The following KCNIP1 variants were observed in gnomAD, a reference collection of about 807,000 sequenced individuals.
KCNIP1 encodes the protein A-type potassium channel modulatory protein KCNIP1.
A neutral mutation model predicts 33.0 loss-of-function variants in KCNIP1; 18 were observed. The observed-to-expected ratio is 0.55, with a 90% CI of 0.38 to 0.81. The LOEUF is 0.81. Ranked by LOEUF, KCNIP1 falls within the 30% of genes least tolerant of loss-of-function variation. The pLI is 0.00. For missense variants in KCNIP1, 238 were observed against 271.6 expected (o/e 0.88, Z 0.87); for synonymous variants, 93 against 98.3 (o/e 0.95, Z 0.32).
At chr5:170,405,770 G>A (rs894717069) in intron 1 of KCNIP1, among the ~76,000 whole-genome samples, 20 of 152,134 alleles carry the variant, frequency 1.3e-4, no homozygotes, top group African/African-American at 4.8e-4. Context: ...GACCAGTGAT[G>A]GTAACACCTG....
chr5:170,504,275 CAGGGCACCGTCCTCGGCCCTGGGCG>C lies in KCNIP1; in HGVS notation c.-293_-269del, dbSNP rs1754614675. The C allele has an allele frequency of 8.1e-7, 1 of 1,232,786 alleles. No homozygotes were observed. The highest frequency in any genetic ancestry group is 1.6e-5 in the African/African-American group (1 of 63,146). 76.4% of individuals were successfully genotyped at this position (1,232,786 alleles called of 1,614,324 possible). A position where few individuals can be genotyped will look rare whatever the true frequency, so the allele number is the denominator to read the frequency against. On this transcript the variant is annotated 5_prime_UTR_variant, in exon 1 of 8. It removes the in-frame stop codon of an upstream open reading frame in the 5' UTR. Coordinates refer to ENST00000328939, the MANE Select transcript of KCNIP1 (RefSeq NM_014592.4). This position sits in a 1 kb window ranked among gnomAD's most constrained non-coding sequence, Gnocchi z 6.0. Reference sequence around the variant, plus strand: ...CCCGTGTCCAGTGCCAGGCAGGCTTCAGGGCACCGTCCTCGGCCCTGGGCGAGGGAACCGCCGGGCCGGGTCCTCG... The same window carrying C: ...CCCGTGTCCAGTGCCAGGCAGGCTTCAGGGAACCGCCGGGCCGGGTCCTCG...
chr5:170,645,255 G>A (rs1369145731), intron 1 of KCNIP1, among the ~76,000 whole-genome samples: 1 of 152,132 alleles, frequency 6.6e-6, no homozygotes, highest in African/African-American at 2.4e-5. Context: ...TTTAAATGGG[G>A]AACAGGGTTT....
chr5:170,683,672 C>A (rs1040832505), intron 1 of KCNIP1, among the ~76,000 whole-genome samples: 1 of 152,020 alleles, frequency 6.6e-6, no homozygotes, highest in Non-Finnish European at 1.5e-5. Context: ...TCCAAAGAAC[C>A]CATCTGTAGT....
chr5:170,358,693 C>T (rs1264295549), intron 1 of KCNIP1, among the ~76,000 whole-genome samples: 6 of 152,242 alleles, frequency 3.9e-5, no homozygotes, highest in East Asian at 1.9e-4. Context: ...GCAGGGCACC[C>T]GCCCCCGCTT....
intron 1 of KCNIP1, 119 bp from the exon 2 acceptor site, chr5:170,718,639 C>T (rs1297508981): frequency 4.2e-6 from 5 of 1,200,900 alleles, no homozygotes; most frequent in Non-Finnish European, 4.7e-6. Context: ...GGCAGTGTGA[C>T]CCCAGCCCAC....
At chr5:170,387,070 A>G (rs899864038) in intron 1 of KCNIP1, among the ~76,000 whole-genome samples, 6 of 152,170 alleles carry the variant, frequency 3.9e-5, no homozygotes, top group Admixed American at 2.6e-4. Context: ...AAGCTGTCCT[A>G]GAGCCTCTGG....
At chr5:170,353,611 C>A in exon 1 of KCNIP1, 1 of 548,704 alleles carries the variant, frequency 1.8e-6, no homozygotes, top group Non-Finnish European at 3.3e-6. Context: ...CCGGCCCTGG[C>A]ATCCTGAGGT....
intron 1 of KCNIP1, among the ~76,000 whole-genome samples, chr5:170,664,030 T>C (rs1761603400): frequency 2.0e-5 from 3 of 152,114 alleles, no homozygotes; most frequent in Admixed American, 2.0e-4. Context: ...ACCATGCCAC[T>C]TTCTCCCACA....
intron 1 of KCNIP1, among the ~76,000 whole-genome samples, chr5:170,674,913 T>C (rs1398599560): frequency 6.6e-6 from 1 of 151,384 alleles, no homozygotes; most frequent in Non-Finnish European, 1.5e-5. Flanking sequence ...GCACAACACC[T>C]CTTCCCAATG....
At chr5:170,702,721 C>T (rs187489960) in intron 1 of KCNIP1, among the ~76,000 whole-genome samples, 162 of 152,250 alleles carry the variant, frequency 1.1e-3, no homozygotes, top group Non-Finnish European at 2.0e-3. Flanking sequence ...GCCCATCAAG[C>T]AGATGATGTG....
chr5:170,383,446 G>A (rs2071161), intron 1 of KCNIP1: 58,656 of 614,662 alleles, frequency 0.095, 3,153 homozygotes, highest in Admixed American at 0.14. Context: ...AAACTGAGGA[G>A]GTGAGAGGCT....
At chr5:170,486,144 A>C (rs1757089910) in intron 1 of KCNIP1, 1 of 152,124 alleles carries the variant, frequency 6.6e-6, no homozygotes, top group Admixed American at 6.5e-5. Flanking sequence ...AGCTACAAAC[A>C]TCAGGGACCT....
chr5:170,528,361 G>C (rs985748629), intron 1 of KCNIP1, among the ~76,000 whole-genome samples: 2 of 152,152 alleles, frequency 1.3e-5, no homozygotes, highest in Non-Finnish European at 2.9e-5. Context: ...AACACCATCG[G>C]GTGACTGCAA....
At chr5:170,367,356 A>AG (rs1763695711) in intron 1 of KCNIP1, among the ~76,000 whole-genome samples, 1 of 59,396 alleles carries the variant, frequency 1.7e-5, no homozygotes, top group African/African-American at 7.7e-5. Context: ...AGAAAAAGAA[A>AG]GAAAGAAAGA....
intron 1 of KCNIP1, among the ~76,000 whole-genome samples, chr5:170,452,265 G>A (rs541183530): frequency 1.3e-5 from 2 of 152,324 alleles, no homozygotes; most frequent in African/African-American, 4.8e-5. Flanking sequence ...AGTTGAGGAG[G>A]ATGATTAATC....
chr5:170,441,654 G>C (rs918889543), intron 1 of KCNIP1, among the ~76,000 whole-genome samples: 8 of 152,106 alleles, frequency 5.3e-5, no homozygotes, highest in African/African-American at 1.9e-4. Flanking sequence ...GCTTTTGAGA[G>C]AAAATGTAGT....
chr5:170,569,989 C>G (rs1561692307), intron 1 of KCNIP1, among the ~76,000 whole-genome samples: 1 of 152,064 alleles, frequency 6.6e-6, no homozygotes, highest in African/African-American at 2.4e-5. Context: ...TCCCTAGGAC[C>G]ATTGTCATGG....
At chr5:170,432,206 C>A (rs549232447) in intron 1 of KCNIP1, among the ~76,000 whole-genome samples, 2 of 152,276 alleles carry the variant, frequency 1.3e-5, no homozygotes, top group Admixed American at 6.5e-5. Flanking sequence ...GAGCTCCCAG[C>A]AGCCAAAGGA....
chr5:170,368,248 T>TTTTG (rs59715597), intron 1 of KCNIP1, among the ~76,000 whole-genome samples: 12,849 of 151,520 alleles, frequency 0.085, 1,085 homozygotes, highest in African/African-American at 0.22. Context: ...TTTTTAAAGT[T>TTTTG]TTTGTTTGTT....
Sources: gnomAD v4.1 joint callset for allele counts (sites outside exome capture counted in the v4.1 genomes callset) on GRCh38, gnomAD v4.1.1 for gene constraint, Gnocchi (gnomAD v3.1) non-coding constraint, MANE v1.5 for transcripts, NCBI Gene and HGNC (gene_info 2026-07-23, HGNC 2026-07-21) for gene names.